Variants in ITGB1 observed in about 807,000 individuals in gnomAD.
ITGB1 encodes integrin subunit beta 1.
Under a neutral mutation model 86.5 loss-of-function variants are expected in ITGB1, and 24 were observed. That is an observed-to-expected ratio of 0.28 (90% CI 0.20 to 0.39). The LOEUF is 0.39. ITGB1 is among the 10% of genes least tolerant of loss of function. The pLI is 1.00. For synonymous variants in ITGB1, 323 were observed against 316.8 expected, an observed-to-expected ratio of 1.02 and a Z score of -0.21; for missense variants, 556 against 946.9, an observed-to-expected ratio of 0.59 and a Z score of 5.42.
chr10:32,912,880 G>C (rs2094917979), intron 11 of ITGB1, among the ~76,000 whole-genome samples: 1 of 152,210 alleles, frequency 6.6e-6, no homozygotes, highest in East Asian at 1.9e-4. Context: ...GGGTCCCTGA[G>C]CCCGAGTAGC....
chr10:32,946,830 TA>T (rs1197020572), intron 1 of ITGB1, among the ~76,000 whole-genome samples: 1 of 147,540 alleles, frequency 6.8e-6, no homozygotes, highest in Non-Finnish European at 1.5e-5. Flanking sequence ...CAAGGTTTTT[TA>T]AAAGAATTAT....
intron 13 of ITGB1, 47 bp from the exon 14 acceptor site, chr10:32,910,502 GT>G: frequency 7.7e-7 from 1 of 1,298,222 alleles, no homozygotes; most frequent in Non-Finnish European, 1.1e-6. Context: ...TATTATTTCA[GT>G]AAATATTTGC....
intron 13 of ITGB1, 137 bp downstream of exon 13, chr10:32,911,311 A>G: frequency 1.4e-6 from 1 of 690,984 alleles, no homozygotes; most frequent in Non-Finnish European, 2.5e-6. Flanking sequence ...TAAGAATTAA[A>G]GAGTAGGCTT....
chr10:32,944,408 G>A lies in ITGB1; in HGVS notation c.1-8850C>T, dbSNP rs530675458. The A allele has an allele frequency of 1.1e-4, 35 of 308,940 alleles. 1 individual carries two copies. Among genetic ancestry groups the A allele is most frequent in the Middle Eastern group, 1.1e-3 (1 of 882 alleles). 19.1% of individuals were successfully genotyped at this position (308,940 alleles called of 1,614,324 possible). On this transcript the variant is annotated intron_variant, in intron 1 of 15. Coordinates refer to ENST00000302278, the MANE Select transcript of ITGB1 (RefSeq NM_002211.4). ...CCTTGGTCTGTAAAGGGGCGTCTAC[G>A]CGGCAGCAGCCGTGATCATGGGGGC...
intron 15 of ITGB1, among the ~76,000 whole-genome samples, chr10:32,907,421 A>G (rs757508597): frequency 1.3e-5 from 2 of 152,192 alleles, no homozygotes; most frequent in Admixed American, 6.5e-5. Flanking sequence ...CTCTGACTCC[A>G]TATTTCAAAG....
intron 3 of ITGB1, among the ~76,000 whole-genome samples, chr10:32,931,300 TA>T (rs896637668): frequency 6.6e-4 from 101 of 152,216 alleles, no homozygotes; most frequent in African/African-American, 2.3e-3. Flanking sequence ...AGAAAGCCTT[TA>T]AAATTTTAAG....
At chr10:32,914,307 C>T (rs1287628969) in intron 11 of ITGB1, among the ~76,000 whole-genome samples, 3 of 152,176 alleles carry the variant, frequency 2.0e-5, no homozygotes, top group Non-Finnish European at 2.9e-5. Context: ...CAAATTCACA[C>T]ATAACAATAT....
chr10:32,922,214 A>G (rs896921458), intron 9 of ITGB1, 43 bp downstream of exon 9: 1 of 1,201,170 alleles, frequency 8.3e-7, no homozygotes, highest in African/African-American at 1.6e-5. Flanking sequence ...AGTATTCTCA[A>G]CAGGGTATTG....
intron 1 of ITGB1, among the ~76,000 whole-genome samples, chr10:32,950,758 T>C (rs770046282): frequency 3.3e-5 from 5 of 152,102 alleles, no homozygotes; most frequent in African/African-American, 4.8e-5. Flanking sequence ...ATGATAATGA[T>C]AGCCTGGGCT....
At chr10:32,909,785 T>TA (rs900118412) in intron 14 of ITGB1, among the ~76,000 whole-genome samples, 12 of 143,430 alleles carry the variant, frequency 8.4e-5, no homozygotes, top group South Asian at 2.2e-4. Flanking sequence ...AAACTAAGAT[T>TA]AAAAAAAAAA....
chr10:32,915,032 C>T (rs984464065), intron 11 of ITGB1, among the ~76,000 whole-genome samples: 2 of 152,276 alleles, frequency 1.3e-5, no homozygotes, highest in Non-Finnish European at 2.9e-5. Flanking sequence ...TGCTCAACTG[C>T]ATGGAAACTA....
At chr10:32,944,326 G>A (rs187290931) in intron 1 of ITGB1, among the ~76,000 whole-genome samples, 40 of 152,352 alleles carry the variant, frequency 2.6e-4, no homozygotes, top group African/African-American at 7.7e-4. Context: ...GGGCCTGGGC[G>A]GCAGAGAAGG....
chr10:32,949,845 T>G (rs1317726381), intron 1 of ITGB1, among the ~76,000 whole-genome samples: 1 of 152,200 alleles, frequency 6.6e-6, no homozygotes, highest in Admixed American at 6.5e-5. Flanking sequence ...AATAATTCAT[T>G]TGGCATTTCC....
At chr10:32,947,977 T>C (rs1199756795) in intron 1 of ITGB1, among the ~76,000 whole-genome samples, 1 of 151,974 alleles carries the variant, frequency 6.6e-6, no homozygotes, top group Admixed American at 6.6e-5. Context: ...AATAACAACG[T>C]AATTGAATAA....
At chr10:32,928,454 T>G (rs1308457366) in intron 4 of ITGB1, among the ~76,000 whole-genome samples, 190 bp from the exon 5 acceptor site, 1 of 152,192 alleles carries the variant, frequency 6.6e-6, no homozygotes, top group African/African-American at 2.4e-5. Context: ...AACAAATACT[T>G]TAAACACCAG....
chr10:32,919,241 C>G (rs1365765211), intron 11 of ITGB1, among the ~76,000 whole-genome samples: 1 of 152,172 alleles, frequency 6.6e-6, no homozygotes, highest in Non-Finnish European at 1.5e-5. Context: ...ACTCTTCCCT[C>G]TTCCTATTCT....
At chr10:32,926,211 G>T in intron 5 of ITGB1, 102 bp from the exon 6 acceptor site, 1 of 872,156 alleles carries the variant, frequency 1.1e-6, no homozygotes, top group South Asian at 1.6e-5. Context: ...CCAAATGTAG[G>T]TTACTATGGA....
intron 1 of ITGB1, among the ~76,000 whole-genome samples, chr10:32,954,557 C>T (rs1310463502): frequency 2.0e-5 from 3 of 152,038 alleles, no homozygotes; most frequent in African/African-American, 7.3e-5. Context: ...GTAAGATTAT[C>T]AATCATAATC....
Position 32,948,207 on chromosome 10 carries a change from C to T in ITGB1, c.-1+9938G>A, listed in dbSNP as rs893664911. On this transcript the variant is annotated intron_variant, in intron 1 of 15. Coordinates refer to ENST00000302278, the MANE Select transcript of ITGB1 (RefSeq NM_002211.4). Reference sequence around the variant, plus strand: ...ACCTTATTATACTCTTTATAGATTCCACATCCAAGTAGAATTCTATTTAAT... The same window carrying T: ...ACCTTATTATACTCTTTATAGATTCTACATCCAAGTAGAATTCTATTTAAT... 3.9e-5 allele frequency among the ~76,000 whole-genome samples: 6 copies of T among 152,020 alleles called. No individual in the cohort carries two copies. In the East Asian group the frequency reaches 1.2e-3, roughly 29 times the overall value.
Sources: allele counts gnomAD v4.1 joint callset (sites outside exome capture counted in the v4.1 genomes callset), GRCh38; gene constraint gnomAD v4.1.1; transcripts MANE v1.5; gene names NCBI Gene and HGNC (gene_info 2026-07-23, HGNC 2026-07-21).